The following PHLPP1 variants were observed in gnomAD, a reference collection of about 807,000 sequenced individuals.
PHLPP1 encodes the protein PH domain and leucine rich repeat protein phosphatase 1.
A neutral mutation model predicts 117.2 loss-of-function variants in PHLPP1; 42 were observed. The observed-to-expected ratio is 0.36, with a 90% CI of 0.28 to 0.46. The LOEUF (loss-of-function observed/expected upper bound fraction) is 0.46, where lower values mean the gene tolerates loss of function less well. Among genes scored for constraint, PHLPP1 ranks in the 20% least tolerant of loss-of-function variants. The pLI is 1.00. For synonymous variants in PHLPP1, 1,042 were observed against 970.7 expected, an observed-to-expected ratio of 1.07 and a Z score of -1.37; for missense variants, 2,084 against 2,241.9, an observed-to-expected ratio of 0.93 and a Z score of 1.42.
intron 1 of PHLPP1, among the ~76,000 whole-genome samples, chr18:62,795,492 C>CAA (rs11291832): frequency 3.4e-3 from 206 of 61,160 alleles, no homozygotes; most frequent in Non-Finnish European, 4.4e-3. Flanking sequence ...GACTCCATCT[C>CAA]AAAAAAAAAA....
intron 9 of PHLPP1, among the ~76,000 whole-genome samples, chr18:62,916,477 A>C (rs369299323): frequency 6.6e-6 from 1 of 151,814 alleles, no homozygotes; most frequent in African/African-American, 2.4e-5. Context: ...TGTTAATTTC[A>C]TTATGTTCTG....
intron 10 of PHLPP1, among the ~76,000 whole-genome samples, chr18:62,938,673 A>G (rs1318199233): frequency 6.6e-6 from 1 of 152,194 alleles, no homozygotes; most frequent in South Asian, 2.1e-4. Flanking sequence ...GAGGTGGATG[A>G]TGCTGGCAGT....
In PHLPP1 at chr18:62,967,350, C is replaced by T. The variant is rs111465726; in HGVS notation, c.3560+3878C>T. Among the ~76,000 whole-genome samples the T allele has an allele frequency of 5.5e-3, 834 of 152,260 alleles. 13 individuals carry two copies. The highest frequency in any genetic ancestry group is 0.019 in the African/African-American group (780 of 41,560). ...TGTTTCCAAAGTGCCTGTATCATTT[C>T]GCGCTCCCAACAGCAATGTCTAAGA... On this transcript the variant is annotated intron_variant, in intron 14 of 16. Coordinates refer to ENST00000262719, the MANE Select transcript of PHLPP1 (RefSeq NM_194449.4).
intron 10 of PHLPP1, among the ~76,000 whole-genome samples, chr18:62,932,004 A>T (rs1909826895): frequency 6.6e-6 from 1 of 152,176 alleles, no homozygotes; most frequent in South Asian, 2.1e-4. Context: ...CTACACACAC[A>T]AAGTAGAAAA....
At chr18:62,801,666 G>A (rs1044475225) in intron 1 of PHLPP1, among the ~76,000 whole-genome samples, 1 of 151,938 alleles carries the variant, frequency 6.6e-6, no homozygotes, top group African/African-American at 2.4e-5. Flanking sequence ...TGGCCAGACT[G>A]GTCTCAAACT....
intron 1 of PHLPP1, among the ~76,000 whole-genome samples, chr18:62,728,027 G>A (rs933752945): frequency 4.6e-5 from 7 of 151,978 alleles, no homozygotes; most frequent in Non-Finnish European, 7.4e-5. Flanking sequence ...TGGCTCACGC[G>A]TGTAATCCTA....
intron 1 of PHLPP1, among the ~76,000 whole-genome samples, chr18:62,818,035 A>C (rs1039412071): frequency 2.5e-4 from 38 of 151,830 alleles, no homozygotes; most frequent in African/African-American, 8.7e-4. Context: ...TTGTATGTTT[A>C]GCCGAGACAG....
intron 1 of PHLPP1, among the ~76,000 whole-genome samples, chr18:62,737,402 G>A (rs142010174): frequency 8.1e-4 from 124 of 152,334 alleles, no homozygotes; most frequent in African/African-American, 2.5e-3. Flanking sequence ...AGTGGAGAAT[G>A]ACATGATTAG....
At chr18:62,752,244 G>GC (rs1427812121) in intron 1 of PHLPP1, among the ~76,000 whole-genome samples, 1 of 152,016 alleles carries the variant, frequency 6.6e-6, no homozygotes, top group Admixed American at 6.5e-5. Flanking sequence ...GCCTGTCCAG[G>GC]CCCCCCGCGC....
chr18:62,764,800 T>C (rs1912409093), intron 1 of PHLPP1, among the ~76,000 whole-genome samples: 1 of 152,260 alleles, frequency 6.6e-6, no homozygotes, highest in African/African-American at 2.4e-5. Flanking sequence ...TATTATTGGC[T>C]ATTTGCCATA....
At chr18:62,878,472 A>T (rs1916099727) in intron 4 of PHLPP1, among the ~76,000 whole-genome samples, 1 of 152,150 alleles carries the variant, frequency 6.6e-6, no homozygotes, top group Non-Finnish European at 1.5e-5. Flanking sequence ...ACCCATGAAA[A>T]TGTCTGTTTT....
intron 1 of PHLPP1, among the ~76,000 whole-genome samples, chr18:62,744,173 T>C (rs1911610650): frequency 1.3e-5 from 2 of 152,222 alleles, no homozygotes; most frequent in African/African-American, 4.8e-5. Flanking sequence ...AATCAGAGTA[T>C]CTGGGCACCC....
intron 1 of PHLPP1, among the ~76,000 whole-genome samples, chr18:62,767,075 G>A (rs1283317859): frequency 6.6e-6 from 1 of 152,158 alleles, no homozygotes; most frequent in East Asian, 1.9e-4. Flanking sequence ...ATGGTGGAGG[G>A]GGTGGCAGTG....
chr18:62,867,686 T>C (rs1915801409), intron 4 of PHLPP1, among the ~76,000 whole-genome samples: 2 of 152,130 alleles, frequency 1.3e-5, no homozygotes, highest in African/African-American at 4.8e-5. Context: ...GCAAAGACAG[T>C]GTGTGGACCT....
chr18:62,952,012 G>A (rs1444102137), intron 12 of PHLPP1, among the ~76,000 whole-genome samples: 3 of 151,878 alleles, frequency 2.0e-5, no homozygotes, highest in Admixed American at 1.3e-4. Flanking sequence ...TAGAGACGGG[G>A]TTTTGCCATG....
At chr18:62,929,936 G>C (rs1428160880) in intron 10 of PHLPP1, among the ~76,000 whole-genome samples, 1 of 152,126 alleles carries the variant, frequency 6.6e-6, no homozygotes, top group East Asian at 1.9e-4. Flanking sequence ...TAGCCTGAGT[G>C]ACAGACCGTC....
rs543001461 is a variant in PHLPP1 at position 62,822,474 on chromosome 18, C to T, written c.1577-7561C>T. ...TTTTTTTTTGTAGTTTTAGTAGAGACGGGGTTTCACCGTGTTAGCCAGGAT... is the reference window on the plus strand; with the variant it reads ...TTTTTTTTTGTAGTTTTAGTAGAGATGGGGTTTCACCGTGTTAGCCAGGAT... On this transcript the variant is annotated intron_variant, in intron 1 of 16. Coordinates refer to ENST00000262719, the MANE Select transcript of PHLPP1 (RefSeq NM_194449.4). Among the ~76,000 whole-genome samples the T allele has an allele frequency of 4.6e-5, 7 of 151,594 alleles. No homozygotes were observed. The South Asian group carries it at 8.3e-4, about 18-fold the overall frequency.
At chr18:62,890,568 C>A (rs971213895) in intron 4 of PHLPP1, among the ~76,000 whole-genome samples, 1 of 152,128 alleles carries the variant, frequency 6.6e-6, no homozygotes, top group African/African-American at 2.4e-5. Context: ...GCCAAGCCTT[C>A]TTTTCCATTT....
In PHLPP1 at chr18:62,958,721, G is replaced by A. The variant is rs374412781; in HGVS notation, c.3417G>A (p.Pro1139=). 6.8e-5 allele frequency: 109 copies of A among 1,613,940 alleles called. 1 individual carries two copies. The highest frequency in any genetic ancestry group is 1.2e-4 in the African/African-American group (9 of 75,046). ...KLQELDLTGN[P]RLVLDHKTLE... ...AGGAGCTAGACCTGACTGGAAACCCGCGCCTTGTCCTTGATCACAAAACCC... is the reference window on the plus strand; with the variant it reads ...AGGAGCTAGACCTGACTGGAAACCCACGCCTTGTCCTTGATCACAAAACCC... Residue 1139 remains proline, a synonymous_variant, in exon 13 of 17, where the codon CCG becomes CCA. Coordinates refer to ENST00000262719, the MANE Select transcript of PHLPP1 (RefSeq NM_194449.4).
Sources: allele counts gnomAD v4.1 joint callset (sites outside exome capture counted in the v4.1 genomes callset), GRCh38; gene constraint gnomAD v4.1.1; transcripts MANE v1.5; gene names NCBI Gene and HGNC (gene_info 2026-07-23, HGNC 2026-07-21).